XKR4: variants seen among roughly 807,000 people sequenced by gnomAD.
XKR4 encodes the protein XK related 4.
A neutral mutation model predicts 53.9 loss-of-function variants in XKR4; 12 were observed. The observed-to-expected ratio is 0.22, with a 90% CI of 0.14 to 0.36. The LOEUF is 0.36. Ranked by LOEUF, XKR4 falls within the 10% of genes least tolerant of loss-of-function variation. The pLI, the probability that XKR4 is intolerant of heterozygous loss-of-function variation, is 1.00. For synonymous variants in XKR4, 354 were observed against 362.4 expected (o/e 0.98, Z 0.26); for missense variants, 799 against 859.5 (o/e 0.93, Z 0.88).
chr8:55,277,264 G>C (rs1161654394), intron 1 of XKR4, among the ~76,000 whole-genome samples: 3 of 152,144 alleles, frequency 2.0e-5, no homozygotes, highest in Non-Finnish European at 2.9e-5. Flanking sequence ...ATGCTAAGGT[G>C]CTACTAACAA....
At chr8:55,379,058 C>T (rs756175743) in intron 2 of XKR4, among the ~76,000 whole-genome samples, 3 of 152,126 alleles carry the variant, frequency 2.0e-5, no homozygotes, top group Non-Finnish European at 2.9e-5. Flanking sequence ...TCATGAGTAA[C>T]CCTGCTGTTC....
chr8:55,437,108 T>G (rs1805188538), intron 2 of XKR4, among the ~76,000 whole-genome samples: 1 of 152,256 alleles, frequency 6.6e-6, no homozygotes, highest in Non-Finnish European at 1.5e-5. Flanking sequence ...AAATAAGTTC[T>G]GCATAAAAGT....
At chr8:55,103,649 C>T (rs572605491) in intron 1 of XKR4, among the ~76,000 whole-genome samples, 5 of 151,874 alleles carry the variant, frequency 3.3e-5, no homozygotes, top group African/African-American at 1.2e-4. Context: ...ATTCCTGTCA[C>T]ATCTTCTAAA....
chr8:55,424,427 T>C (rs1804981912), intron 2 of XKR4, among the ~76,000 whole-genome samples: 1 of 152,218 alleles, frequency 6.6e-6, no homozygotes, highest in Non-Finnish European at 1.5e-5. Flanking sequence ...GTTGGTACTA[T>C]CATTATGCAC....
At chr8:55,289,631 A>AAGAC (rs1455489795) in intron 1 of XKR4, among the ~76,000 whole-genome samples, 5 of 139,420 alleles carry the variant, frequency 3.6e-5, no homozygotes, top group African/African-American at 1.4e-4. Context: ...GAAAGAAAGA[A>AAGAC]AGAAAGAAAG....
chr8:55,393,838 T>C (rs1463470287), intron 2 of XKR4, among the ~76,000 whole-genome samples: 3 of 152,162 alleles, frequency 2.0e-5, no homozygotes, highest in African/African-American at 7.2e-5. Context: ...GCCTCCTTTT[T>C]CCAAGTAAAT....
intron 2 of XKR4, among the ~76,000 whole-genome samples, chr8:55,477,128 T>C (rs1217031470): frequency 1.3e-5 from 2 of 151,992 alleles, no homozygotes; most frequent in African/African-American, 4.8e-5. Flanking sequence ...GCAGCCTAAC[T>C]GGGAGGCACT....
chr8:55,232,989 G>T (rs910597739), intron 1 of XKR4, among the ~76,000 whole-genome samples: 1 of 152,194 alleles, frequency 6.6e-6, no homozygotes. Flanking sequence ...GCTGCCCACT[G>T]TAAGTGGGCA....
At position 55,169,394 on chromosome 8, in the gene XKR4, T is replaced by C. The variant is rs139047114; in HGVS notation, c.806+66100T>C. Among the ~76,000 whole-genome samples the C allele has an allele frequency of 2.2e-3, 341 of 152,318 alleles. 1 individual carries two copies. Among genetic ancestry groups the C allele is most frequent in the African/African-American group, 7.9e-3 (329 of 41,574 alleles). ...CCGTGGTTTCATCCCTTTTCAAAGA[T>C]TGAATCTGAACAGTAAATGCCAAAC... On this transcript the variant is annotated intron_variant, in intron 1 of 2. Coordinates refer to ENST00000327381, the MANE Select transcript of XKR4 (RefSeq NM_052898.2).
intron 1 of XKR4, among the ~76,000 whole-genome samples, chr8:55,184,836 G>C (rs868084886): frequency 6.6e-6 from 1 of 152,044 alleles, no homozygotes; most frequent in Admixed American, 6.5e-5. Context: ...TTATTCTCGG[G>C]TGTAGATCTA....
intron 2 of XKR4, among the ~76,000 whole-genome samples, chr8:55,476,551 A>C (rs1490809691): frequency 1.2e-5 from 1 of 85,152 alleles, no homozygotes; most frequent in African/African-American, 6.3e-5. Context: ...GGAGTGCCAG[A>C]CAGTGGGTGC....
rs1489820214 is a variant in XKR4, at chr8:55,524,889, T to C, written c.*662T>C. ...TTCATTTTCTACACATTTCAGGATT[T>C]GTTTTATATTTTAAATTTTCAGTTG... On this transcript the variant is annotated 3_prime_UTR_variant, in exon 3 of 3. Transcript: ENST00000327381. 1 of 152,706 alleles carries C rather than the reference T, an allele frequency of 6.5e-6. No individual in the cohort carries two copies. The highest frequency in any genetic ancestry group is 2.4e-5 in the African/African-American group (1 of 41,472). The allele number at this position is 152,706 out of a possible 1,614,324, so 9.5% of individuals were successfully genotyped here.
chr8:55,293,240 C>T (rs1295299287), intron 1 of XKR4, among the ~76,000 whole-genome samples: 2 of 152,092 alleles, frequency 1.3e-5, no homozygotes, highest in Non-Finnish European at 2.9e-5. Flanking sequence ...GAGGCTGAGG[C>T]AGGAGAATCA....
intron 1 of XKR4, among the ~76,000 whole-genome samples, chr8:55,246,969 T>A (rs990450785): frequency 5.3e-5 from 8 of 152,120 alleles, no homozygotes; most frequent in African/African-American, 1.9e-4. Flanking sequence ...GAAAGAGAGA[T>A]AAGATGTCTT....
chr8:55,222,636 TC>T (rs1323682925), intron 1 of XKR4, among the ~76,000 whole-genome samples: 1 of 152,210 alleles, frequency 6.6e-6, no homozygotes, highest in Admixed American at 6.5e-5. Flanking sequence ...AAATGAAAGA[TC>T]CATAAAGGTA....
intron 2 of XKR4, among the ~76,000 whole-genome samples, chr8:55,460,322 G>A (rs916343913): frequency 2.0e-5 from 3 of 152,200 alleles, no homozygotes; most frequent in Non-Finnish European, 2.9e-5. Context: ...TGGAGTGATA[G>A]AATATTCTCA....
At chr8:55,185,303 A>G (rs1028265774) in intron 1 of XKR4, among the ~76,000 whole-genome samples, 5 of 152,226 alleles carry the variant, frequency 3.3e-5, no homozygotes, top group African/African-American at 1.2e-4. Flanking sequence ...GAGAAATCCC[A>G]CTTCAACCAC....
chr8:55,458,856 G>T (rs1216039768), intron 2 of XKR4, among the ~76,000 whole-genome samples: 2 of 152,170 alleles, frequency 1.3e-5, no homozygotes, highest in Non-Finnish European at 2.9e-5. Flanking sequence ...TGGGGAGCAG[G>T]GCAGGCCAGG....
intron 1 of XKR4, among the ~76,000 whole-genome samples, chr8:55,238,144 ATCTCTCTC>A (rs145574225): frequency 1.3e-5 from 2 of 151,174 alleles, no homozygotes; most frequent in South Asian, 2.1e-4. Flanking sequence ...ATAGACATTT[ATCTCTCTC>A]TCTCTCTCTC....
Sources: allele counts gnomAD v4.1 joint callset (sites outside exome capture counted in the v4.1 genomes callset), GRCh38; gene constraint gnomAD v4.1.1; transcripts MANE v1.5; gene names NCBI Gene and HGNC (gene_info 2026-07-23, HGNC 2026-07-21).